Variants in NAB1 observed in about 807,000 individuals in gnomAD.
NAB1 encodes NGFI-A-binding protein 1.
In NAB1, 25 loss-of-function variants were observed where a neutral mutation model predicts 49.9. The ratio of observed to expected loss-of-function variants is 0.50; its 90% CI spans 0.37 to 0.70. The LOEUF (loss-of-function observed/expected upper bound fraction) is 0.70, where lower values mean the gene tolerates loss of function less well. Ranked by LOEUF, NAB1 falls within the 30% of genes least tolerant of loss-of-function variation. The pLI is 0.00. For missense variants in NAB1, 489 were observed against 575.9 expected, an observed-to-expected ratio of 0.85 and a Z score of 1.54; for synonymous variants, 198 against 215.6, an observed-to-expected ratio of 0.92 and a Z score of 0.71.
At position 190,654,319 on chromosome 2, in the gene NAB1, G is replaced by GAAGGACTGTCTT. The variant is rs557351781; in HGVS notation, c.-196-1657_-196-1646dup. Among the ~76,000 whole-genome samples, 4 of 152,288 alleles carry GAAGGACTGTCTT rather than the reference G, an allele frequency of 2.6e-5. No homozygotes were observed. Among genetic ancestry groups the GAAGGACTGTCTT allele is most frequent in the Admixed American group, 2.6e-4 (4 of 15,306 alleles). ...TCCTTGCTCTTAACTGACTCTCCAT[G>GAAGGACTGTCTT]AAGGACTGTCTTTCCTCTGTTCCCC... On this transcript the variant is annotated intron_variant, in intron 2 of 9. Coordinates refer to ENST00000337386, the MANE Select transcript of NAB1 (RefSeq NM_005966.4). This position sits in a 1 kb window ranked among gnomAD's most constrained non-coding sequence, Gnocchi z 5.6.
rs773491796 is a variant in NAB1, at chr2:190,686,224, A to G, written c.1258+586A>G. Among the ~76,000 whole-genome samples, 3 of 152,206 alleles carry G rather than the reference A, an allele frequency of 2.0e-5. No individual in the cohort carries two copies. The highest frequency in any genetic ancestry group is 6.5e-5 in the Admixed American group (1 of 15,282). ...GCATTTTATTTTTTTAGCAATTCCT[A>G]TGTGCCAGGCACTCTCCTAGGCACT... On this transcript the variant is annotated intron_variant, in intron 8 of 9. Coordinates refer to ENST00000337386, the MANE Select transcript of NAB1 (RefSeq NM_005966.4). The surrounding 1 kb of genome is among the most constrained non-coding windows in gnomAD (Gnocchi z 5.5).
At chr2:190,665,289 C>G (rs1694456982) in intron 4 of NAB1, among the ~76,000 whole-genome samples, 1 of 149,898 alleles carries the variant, frequency 6.7e-6, no homozygotes, top group Non-Finnish European at 1.5e-5. Context: ...TGCCACTGCA[C>G]TCCAGCCTGG....
rs1695646399 is a variant in NAB1 at position 190,687,154 on chromosome 2, A to G, written c.1259-47A>G. ...GCAAAATTTATTTTTAAGAAAAACC[A>G]TGGTATGTTTTTAATATTATGCATA... is the stretch of plus-strand genomic sequence containing the variant. On this transcript the variant is annotated intron_variant, in intron 8 of 9. Transcript: ENST00000337386. The G allele has an allele frequency of 1.2e-5, 15 of 1,234,860 alleles. No individual in the cohort carries two copies. The East Asian group carries it at 2.2e-4, about 18-fold the overall frequency. The allele number at this position is 1,234,860 out of a possible 1,614,324, so 76.5% of individuals were successfully genotyped here. A position where few individuals can be genotyped will look rare whatever the true frequency, so the allele number is the denominator to read the frequency against.
At position 190,679,023 on chromosome 2, in the gene NAB1, A is replaced by G. The variant is rs1193090493; in HGVS notation, c.1006-4715A>G. Among the ~76,000 whole-genome samples the G allele has an allele frequency of 6.6e-6, 1 of 152,198 alleles. No homozygotes were observed. Among genetic ancestry groups the G allele is most frequent in the Non-Finnish European group, 1.5e-5 (1 of 68,028 alleles). Reference sequence around the variant, plus strand: ...TAGGTCATGCACCAGCCTCCGTCCCATAGCTTTTATTTTCTCAGTGATCAG... The same window carrying G: ...TAGGTCATGCACCAGCCTCCGTCCCGTAGCTTTTATTTTCTCAGTGATCAG... On this transcript the variant is annotated intron_variant, in intron 6 of 9. Coordinates refer to ENST00000337386, the MANE Select transcript of NAB1 (RefSeq NM_005966.4). This position sits in a 1 kb window ranked among gnomAD's most constrained non-coding sequence, Gnocchi z 5.3.
At position 190,689,537 on chromosome 2, in the gene NAB1, A is replaced by G. The variant is rs934634826; in HGVS notation, c.1376-708A>G. ...ATGTGATGTGGATGTTTGCATGTAT[A>G]TGTGTGTGTACATATCTCCCAGTAT... On this transcript the variant is annotated intron_variant, in intron 9 of 9. Coordinates refer to ENST00000337386, the MANE Select transcript of NAB1 (RefSeq NM_005966.4). The surrounding 1 kb of genome is among the most constrained non-coding windows in gnomAD (Gnocchi z 4.3). 6.6e-6 allele frequency among the ~76,000 whole-genome samples: 1 copy of G among 152,300 alleles called. No homozygotes were observed. The highest frequency in any genetic ancestry group is 2.1e-4 in the South Asian group (1 of 4,828).
chr2:190,654,445 G>T lies in NAB1; in HGVS notation c.-196-1532G>T, dbSNP rs1693821783. 6.6e-6 allele frequency among the ~76,000 whole-genome samples: 1 copy of T among 152,192 alleles called. No individual in the cohort carries two copies. Among genetic ancestry groups the T allele is most frequent in the African/African-American group, 2.4e-5 (1 of 41,446 alleles). Reference sequence around the variant, plus strand: ...AAGGGAGATGACAGCTGCAGCCAGGGGTAGTGGGAAAGACATTTTGGGAAA... The same window carrying T: ...AAGGGAGATGACAGCTGCAGCCAGGTGTAGTGGGAAAGACATTTTGGGAAA... On this transcript the variant is annotated intron_variant, in intron 2 of 9. Transcript: ENST00000337386. This position sits in a 1 kb window ranked among gnomAD's most constrained non-coding sequence, Gnocchi z 5.6.
chr2:190,672,235 T>C (rs1694848502), intron 5 of NAB1, among the ~76,000 whole-genome samples: 1 of 152,222 alleles, frequency 6.6e-6, no homozygotes, highest in African/African-American at 2.4e-5. Context: ...TATTGATGGC[T>C]ACTGGGGTTG....
chr2:190,683,048 G>T (rs1695425121), intron 6 of NAB1, among the ~76,000 whole-genome samples: 1 of 152,080 alleles, frequency 6.6e-6, no homozygotes, highest in Non-Finnish European at 1.5e-5. Flanking sequence ...CCAATGCGAG[G>T]ATAGTGGCTA....
rs1350293788 is a variant in NAB1 at position 190,686,181 on chromosome 2, T to C, written c.1258+543T>C. 6.6e-6 allele frequency among the ~76,000 whole-genome samples: 1 copy of C among 152,210 alleles called. No homozygotes were observed. The highest frequency in any genetic ancestry group is 1.5e-5 in the Non-Finnish European group (1 of 68,038). The stretch of plus-strand genomic sequence containing the variant: ...CATAAAGAAAATCCCAAGTCATTGT[T>C]ATTCACCCAACCAACAGGCATTTTA... On this transcript the variant is annotated intron_variant, in intron 8 of 9. Transcript: ENST00000337386. The surrounding 1 kb of genome is among the most constrained non-coding windows in gnomAD (Gnocchi z 5.5).
At chr2:190,660,966 G>C (rs1694194098) in intron 4 of NAB1, among the ~76,000 whole-genome samples, 1 of 149,990 alleles carries the variant, frequency 6.7e-6, no homozygotes, top group African/African-American at 2.4e-5. Context: ...TTTTGAGATG[G>C]GGGTCTCACT....
In NAB1 at chr2:190,674,215, G is replaced by A. The variant is rs977656635; in HGVS notation, c.1005+1063G>A. Among the ~76,000 whole-genome samples the A allele has an allele frequency of 1.3e-5, 2 of 152,078 alleles. No homozygotes were observed. Among genetic ancestry groups the A allele is most frequent in the Non-Finnish European group, 2.9e-5 (2 of 68,008 alleles). On this transcript the variant is annotated intron_variant, in intron 6 of 9. Coordinates refer to ENST00000337386, the MANE Select transcript of NAB1 (RefSeq NM_005966.4). This position sits in a 1 kb window ranked among gnomAD's most constrained non-coding sequence, Gnocchi z 5.7. ...TTTTAAAGGATCTAAGACCCCACAT[G>A]ATCTGACTGCAGCTTGCATCTCCTA... is the stretch of plus-strand genomic sequence containing the variant.
At chr2:190,683,259 T>C (rs1277590740) in intron 6 of NAB1, among the ~76,000 whole-genome samples, 2 of 150,712 alleles carry the variant, frequency 1.3e-5, no homozygotes, top group African/African-American at 2.4e-5. Flanking sequence ...GCCTCCCTAG[T>C]AGCTGTGATT....
rs1460071712 is a variant in NAB1 at position 190,682,405 on chromosome 2, G to A, written c.1006-1333G>A. ...GCTAGTGAGTGGTGACAGGCCTTTC[G>A]AATTCCAAAGCTCCATTTCCTGTCA... On this transcript the variant is annotated intron_variant, in intron 6 of 9. Transcript: ENST00000337386. The surrounding 1 kb of genome is among the most constrained non-coding windows in gnomAD (Gnocchi z 4.1). Among the ~76,000 whole-genome samples the A allele has an allele frequency of 2.0e-5, 3 of 152,100 alleles. No individual in the cohort carries two copies. The highest frequency in any genetic ancestry group is 4.4e-5 in the Non-Finnish European group (3 of 68,024).
rs1201660112 is a variant in NAB1 at position 190,667,462 on chromosome 2, A to G, written c.820-2864A>G. 6.6e-6 allele frequency among the ~76,000 whole-genome samples: 1 copy of G among 152,222 alleles called. No individual in the cohort carries two copies. The highest frequency in any genetic ancestry group is 1.5e-5 in the Non-Finnish European group (1 of 68,034). ...CTGAAACTGATTTATTTTGAATATC[A>G]TTATTTAAAGTATACATTTCACTTT... On this transcript the variant is annotated intron_variant, in intron 4 of 9. Transcript: ENST00000337386. The surrounding 1 kb of genome is among the most constrained non-coding windows in gnomAD (Gnocchi z 4.4).
At position 190,668,909 on chromosome 2, in the gene NAB1, T is replaced by C. The variant is rs959858072; in HGVS notation, c.820-1417T>C. On this transcript the variant is annotated intron_variant, in intron 4 of 9. Transcript: ENST00000337386. ...CATACCTATGATAAAGTTTAACTTA[T>C]AAATTAGGCACAGCAAGAGATTAAC... Among the ~76,000 whole-genome samples the C allele has an allele frequency of 7.9e-5, 12 of 152,330 alleles. No individual in the cohort carries two copies. In the East Asian group the frequency reaches 2.1e-3, roughly 27 times the overall value.
At chr2:190,658,612 A>G (rs545678995) in intron 3 of NAB1, among the ~76,000 whole-genome samples, 1 of 152,036 alleles carries the variant, frequency 6.6e-6, no homozygotes, top group Admixed American at 6.5e-5. Flanking sequence ...CTCACCTCCA[A>G]TTCATACTGA....
At chr2:190,683,099 G>GT (rs1239223335) in intron 6 of NAB1, among the ~76,000 whole-genome samples, 1 of 151,570 alleles carries the variant, frequency 6.6e-6, no homozygotes, top group Non-Finnish European at 1.5e-5. Flanking sequence ...TATGTGTTTT[G>GT]TTTTTGTTTT....
At position 190,651,119 on chromosome 2, in the gene NAB1, A is replaced by C. The variant is rs545151129; in HGVS notation, c.-197+1137A>C. ...TTGAGGAACTGTAGATTTTTATTTT[A>C]TTCTGCCTGCTAATTATGGATGTAA... is the stretch of plus-strand genomic sequence containing the variant. On this transcript the variant is annotated intron_variant, in intron 2 of 9. Transcript: ENST00000337386. This position sits in a 1 kb window ranked among gnomAD's most constrained non-coding sequence, Gnocchi z 4.3. Among the ~76,000 whole-genome samples the C allele has an allele frequency of 6.6e-6, 1 of 152,178 alleles. No individual in the cohort carries two copies. Among genetic ancestry groups the C allele is most frequent in the South Asian group, 2.1e-4 (1 of 4,832 alleles).
Position 190,691,269 on chromosome 2 carries a change from A to G in NAB1, c.*936A>G, listed in dbSNP as rs1695924826. On this transcript the variant is annotated 3_prime_UTR_variant, in exon 10 of 10. Coordinates refer to ENST00000337386, the MANE Select transcript of NAB1 (RefSeq NM_005966.4). This position sits in a 1 kb window ranked among gnomAD's most constrained non-coding sequence, Gnocchi z 4.1. ...TGTAACAGATTAAGTACTATTTTAT[A>G]TCCAGAAAGTCTTCTCTATGTAGAG... is the stretch of plus-strand genomic sequence containing the variant. 1 of 152,620 alleles carries G rather than the reference A, an allele frequency of 6.6e-6. No homozygotes were observed. Among genetic ancestry groups the G allele is most frequent in the Non-Finnish European group, 1.5e-5 (1 of 67,986 alleles). 9.5% of individuals were successfully genotyped at this position (152,620 alleles called of 1,614,324 possible).
Sources: allele counts gnomAD v4.1 joint callset (sites outside exome capture counted in the v4.1 genomes callset), GRCh38; gene constraint gnomAD v4.1.1; non-coding constraint Gnocchi (gnomAD v3.1); transcripts MANE v1.5; gene names NCBI Gene and HGNC (gene_info 2026-07-23, HGNC 2026-07-21).